CERS6: variants seen among roughly 807,000 people sequenced by gnomAD.
CERS6 encodes the protein ceramide synthase 6.
In CERS6, 26 loss-of-function variants were observed where a neutral mutation model predicts 56.8. The ratio of observed to expected loss-of-function variants is 0.46; its 90% CI spans 0.34 to 0.63. The LOEUF is 0.63. CERS6 is among the 30% of genes least tolerant of loss of function. The pLI is 0.01. For synonymous variants in CERS6, 164 were observed against 173.3 expected, an observed-to-expected ratio of 0.95 and a Z score of 0.42; for missense variants, 415 against 467.5, an observed-to-expected ratio of 0.89 and a Z score of 1.04.
At chr2:168,494,404 C>G (rs1163036104) in intron 1 of CERS6, among the ~76,000 whole-genome samples, 1 of 152,140 alleles carries the variant, frequency 6.6e-6, no homozygotes, top group Non-Finnish European at 1.5e-5. Context: ...GCTTCAGTTT[C>G]ATCATCTGTG....
At chr2:168,591,664 A>G (rs1178608566) in intron 3 of CERS6, among the ~76,000 whole-genome samples, 1 of 152,228 alleles carries the variant, frequency 6.6e-6, no homozygotes, top group African/African-American at 2.4e-5. Flanking sequence ...TGGCTCTTGC[A>G]GTGCCCTAGC....
At chr2:168,769,207 A>T (rs576716076) in intron 9 of CERS6, among the ~76,000 whole-genome samples, 2 of 152,214 alleles carry the variant, frequency 1.3e-5, no homozygotes, top group African/African-American at 4.8e-5. Context: ...GTGACACAGT[A>T]TGCTACTTTT....
At chr2:168,609,027 A>T (rs944451411) in intron 3 of CERS6, among the ~76,000 whole-genome samples, 10 of 152,206 alleles carry the variant, frequency 6.6e-5, no homozygotes, top group African/African-American at 2.4e-4. Context: ...ACAATGCTAG[A>T]GCTCTAGGCA....
chr2:168,512,443 T>A (rs1694805209), intron 1 of CERS6, among the ~76,000 whole-genome samples: 1 of 152,170 alleles, frequency 6.6e-6, no homozygotes, highest in Non-Finnish European at 1.5e-5. Context: ...CACTTCATCA[T>A]CTTTTTGTTG....
At chr2:168,508,809 A>G (rs1053540745) in intron 1 of CERS6, among the ~76,000 whole-genome samples, 16 of 152,280 alleles carry the variant, frequency 1.1e-4, no homozygotes, top group African/African-American at 3.6e-4. Flanking sequence ...ATGTATACCT[A>G]TGTAACAAAC....
At chr2:168,680,534 C>T (rs1320524587) in intron 4 of CERS6, among the ~76,000 whole-genome samples, 1 of 152,168 alleles carries the variant, frequency 6.6e-6, no homozygotes, top group Non-Finnish European at 1.5e-5. Context: ...TACCCGGCCC[C>T]TCCTCATGGA....
intron 1 of CERS6, among the ~76,000 whole-genome samples, chr2:168,544,991 C>T (rs1695437963): frequency 6.6e-6 from 1 of 151,922 alleles, no homozygotes; most frequent in Admixed American, 6.6e-5. Context: ...CCAGGAAAGT[C>T]ATGGTTTGTA....
At chr2:168,765,561 C>T (rs1391750618) in intron 8 of CERS6, 31 bp from the exon 9 acceptor site, 1 of 1,605,260 alleles carries the variant, frequency 6.2e-7, no homozygotes, top group Non-Finnish European at 8.5e-7. Context: ...GAAAATGCCA[C>T]ATTCACTAAT....
chr2:168,702,675 A>G (rs1196412128), intron 6 of CERS6, among the ~76,000 whole-genome samples: 1 of 152,242 alleles, frequency 6.6e-6, no homozygotes, highest in Non-Finnish European at 1.5e-5. Context: ...CATGAGTGAA[A>G]GATCCATTCA....
At chr2:168,611,869 A>G (rs1684197212) in intron 3 of CERS6, among the ~76,000 whole-genome samples, 1 of 152,296 alleles carries the variant, frequency 6.6e-6, no homozygotes, top group Middle Eastern at 3.4e-3. Context: ...GTAAGAATGA[A>G]GCCCTCCTTC....
At chr2:168,460,787 G>T (rs1270343189) in intron 1 of CERS6, among the ~76,000 whole-genome samples, 1 of 152,170 alleles carries the variant, frequency 6.6e-6, no homozygotes, top group Non-Finnish European at 1.5e-5. Context: ...GCTATGTGAG[G>T]AGTGTCATCC....
chr2:168,566,563 C>G (rs1008773441), intron 3 of CERS6, among the ~76,000 whole-genome samples: 8 of 152,160 alleles, frequency 5.3e-5, no homozygotes, highest in Non-Finnish European at 8.8e-5. Context: ...ATGCTACTAA[C>G]TTGGTCACCT....
rs928488790 is a variant in CERS6, at chr2:168,770,634, A to G, written c.*972A>G. On this transcript the variant is annotated 3_prime_UTR_variant, in exon 10 of 10. Transcript: ENST00000305747. ...TATTTGGGGACAAAAAAATATTTCA[A>G]GAGTTGATAAAGATTACCTGTGCAG... 6.6e-6 allele frequency: 1 copy of G among 152,670 alleles called. No individual in the cohort carries two copies. Among genetic ancestry groups the G allele is most frequent in the Non-Finnish European group, 1.5e-5 (1 of 68,050 alleles). 9.5% of individuals were successfully genotyped at this position (152,670 alleles called of 1,614,324 possible). A position where few individuals can be genotyped will look rare whatever the true frequency, so the allele number is the denominator to read the frequency against.
intron 3 of CERS6, among the ~76,000 whole-genome samples, chr2:168,618,913 C>T (rs1684391165): frequency 6.6e-6 from 1 of 152,104 alleles, no homozygotes; most frequent in South Asian, 2.1e-4. Context: ...AAAGAGCCTA[C>T]ATAGCCAAAG....
chr2:168,627,458 G>A (rs573559766), intron 3 of CERS6, among the ~76,000 whole-genome samples: 1 of 152,140 alleles, frequency 6.6e-6, no homozygotes, highest in Admixed American at 6.5e-5. Flanking sequence ...CTCTGCAAAT[G>A]AGAGGAAGTT....
chr2:168,695,609 T>C (rs763121779), intron 6 of CERS6, among the ~76,000 whole-genome samples: 1 of 152,222 alleles, frequency 6.6e-6, no homozygotes, highest in Non-Finnish European at 1.5e-5. Context: ...GAATTGGCAC[T>C]TCTAGCTCTT....
intron 3 of CERS6, among the ~76,000 whole-genome samples, chr2:168,587,279 T>G (rs769869583): frequency 1.4e-4 from 21 of 152,238 alleles, no homozygotes; most frequent in Non-Finnish European, 2.9e-4. Context: ...CAGATGCATA[T>G]TACACTTTGA....
intron 3 of CERS6, among the ~76,000 whole-genome samples, chr2:168,579,861 C>T (rs977002906): frequency 4.6e-5 from 7 of 152,146 alleles, no homozygotes; most frequent in African/African-American, 9.7e-5. Flanking sequence ...TCGTTCCTGC[C>T]TCTTGGCCTT....
At chr2:168,590,892 T>C (rs1459471262) in intron 3 of CERS6, among the ~76,000 whole-genome samples, 1 of 152,228 alleles carries the variant, frequency 6.6e-6, no homozygotes, top group Non-Finnish European at 1.5e-5. Context: ...CCACAAACAC[T>C]GAATCCAGAT....
Sources: allele counts gnomAD v4.1 joint callset (sites outside exome capture counted in the v4.1 genomes callset), GRCh38; gene constraint gnomAD v4.1.1; transcripts MANE v1.5; gene names NCBI Gene and HGNC (gene_info 2026-07-23, HGNC 2026-07-21).